Variants in FAM13A observed in about 807,000 individuals in gnomAD.
The protein encoded by FAM13A is family with sequence similarity 13 member A.
Under a neutral mutation model 129.6 loss-of-function variants are expected in FAM13A, and 76 were observed. The observed-to-expected ratio is 0.59, with a 90% CI of 0.49 to 0.71. FAM13A has a LOEUF of 0.71. Ranked by LOEUF, FAM13A falls within the 30% of genes least tolerant of loss-of-function variation. FAM13A has a pLI of 0.00. For missense variants in FAM13A, 1,108 were observed against 1,249.3 expected, an observed-to-expected ratio of 0.89 and a Z score of 1.70; for synonymous variants, 443 against 449.9, an observed-to-expected ratio of 0.98 and a Z score of 0.20.
At chr4:89,006,601 A>G (rs1029901245) in intron 3 of FAM13A, among the ~76,000 whole-genome samples, 1 of 152,200 alleles carries the variant, frequency 6.6e-6, no homozygotes, top group Non-Finnish European at 1.5e-5. Flanking sequence ...GTCTTTTAGC[A>G]GTTGCTATCC....
At chr4:89,017,501 C>T (rs907650740) in intron 3 of FAM13A, among the ~76,000 whole-genome samples, 2 of 151,900 alleles carry the variant, frequency 1.3e-5, no homozygotes, top group Non-Finnish European at 2.9e-5. Context: ...ACAGTACATA[C>T]TCATATCAAA....
At chr4:88,905,496 A>G (rs925869915) in intron 6 of FAM13A, among the ~76,000 whole-genome samples, 2 of 152,112 alleles carry the variant, frequency 1.3e-5, no homozygotes, top group African/African-American at 2.4e-5. Flanking sequence ...ACATATTATC[A>G]CATCCCAGGT....
intron 4 of FAM13A, among the ~76,000 whole-genome samples, chr4:88,949,983 G>A (rs1756669576): frequency 6.6e-6 from 1 of 152,070 alleles, no homozygotes; most frequent in South Asian, 2.1e-4. Context: ...GGATACGTTG[G>A]AAAAATTGAC....
rs1741661327 is a variant in FAM13A at position 88,747,707 on chromosome 4, A to G, written c.2306T>C (p.Val769Ala). 1.2e-6 allele frequency: 2 copies of G among 1,614,054 alleles called. No individual in the cohort carries two copies. Among genetic ancestry groups the G allele is most frequent in the Non-Finnish European group, 8.5e-7 (1 of 1,180,038 alleles). The change falls in exon 18 of 24, where the codon GTT becomes GCT. Residue 769 changes from valine to alanine, a missense_variant. Physicochemically the swap from Val to Ala is moderately conservative, Grantham distance 64. Transcript: ENST00000264344. ...ELVDKAIKPS[V>A]EATLESIQRK... ...CTGAATAGATTCCAATGTGGCTTCA[A>G]CACTGGGCTTTATTGCTTTATCCAC...
At chr4:88,861,034 A>G (rs868543820) in intron 6 of FAM13A, among the ~76,000 whole-genome samples, 12 of 152,202 alleles carry the variant, frequency 7.9e-5, no homozygotes, top group African/African-American at 2.9e-4. Flanking sequence ...TGCCAGCTGC[A>G]TGATGTGGAG....
intron 14 of FAM13A, among the ~76,000 whole-genome samples, chr4:88,752,449 C>A (rs188175154): frequency 2.3e-4 from 35 of 152,194 alleles, no homozygotes; most frequent in African/African-American, 8.2e-4. Context: ...ATGAAGTCCA[C>A]AGGTTCTCGA....
intron 8 of FAM13A, among the ~76,000 whole-genome samples, chr4:88,798,984 A>G (rs1342488965): frequency 6.6e-6 from 1 of 152,244 alleles, no homozygotes; most frequent in East Asian, 1.9e-4. Context: ...AGCATTTAAA[A>G]TGTATATAAT....
intron 13 of FAM13A, among the ~76,000 whole-genome samples, chr4:88,763,529 A>G (rs1298107207): frequency 6.6e-6 from 1 of 152,210 alleles, no homozygotes; most frequent in Non-Finnish European, 1.5e-5. Flanking sequence ...TCAAGGAGCC[A>G]TTAATTATGA....
At chr4:88,870,120 G>A (rs1294764186) in intron 6 of FAM13A, among the ~76,000 whole-genome samples, 2 of 95,410 alleles carry the variant, frequency 2.1e-5, no homozygotes, top group Non-Finnish European at 3.7e-5. Context: ...CATTTCTGTT[G>A]TAAAAAAAAA....
At chr4:88,863,568 CA>C (rs1302905741) in intron 6 of FAM13A, among the ~76,000 whole-genome samples, 1 of 152,172 alleles carries the variant, frequency 6.6e-6, no homozygotes, top group Non-Finnish European at 1.5e-5. Flanking sequence ...GTCAGAAGTA[CA>C]AGTCACAACC....
intron 8 of FAM13A, among the ~76,000 whole-genome samples, chr4:88,800,638 T>C (rs1023816950): frequency 1.1e-4 from 16 of 148,048 alleles, no homozygotes; most frequent in Non-Finnish European, 1.9e-4. Flanking sequence ...TGAGCCGAGA[T>C]TGTGCCACTA....
At chr4:88,910,799 G>A (rs186943472) in intron 5 of FAM13A, among the ~76,000 whole-genome samples, 787 of 152,034 alleles carry the variant, frequency 5.2e-3, no homozygotes, top group Non-Finnish European at 9.1e-3. Flanking sequence ...ACAGGCACGC[G>A]TCACCATGCC....
chr4:88,795,303 C>T (rs1256119739), intron 8 of FAM13A, among the ~76,000 whole-genome samples: 1 of 151,716 alleles, frequency 6.6e-6, no homozygotes, highest in Non-Finnish European at 1.5e-5. Context: ...TTTTAAATAG[C>T]CTGATTTGAA....
chr4:88,830,759 G>A (rs1733764093), intron 7 of FAM13A, among the ~76,000 whole-genome samples: 1 of 152,148 alleles, frequency 6.6e-6, no homozygotes, highest in South Asian at 2.1e-4. Context: ...AGTGAAGAGG[G>A]GAGGGAAGAG....
intron 4 of FAM13A, 26 bp downstream of exon 4, chr4:88,990,947 T>C (rs1314951917): frequency 1.3e-6 from 2 of 1,571,022 alleles, no homozygotes; most frequent in African/African-American, 1.3e-5. Context: ...CATGATGATA[T>C]TAACAGTAAA....
chr4:88,901,544 G>C (rs921436552), intron 6 of FAM13A, among the ~76,000 whole-genome samples: 3 of 152,106 alleles, frequency 2.0e-5, no homozygotes, highest in Non-Finnish European at 2.9e-5. Context: ...TGACACTTGG[G>C]TAAATAATGA....
intron 13 of FAM13A, among the ~76,000 whole-genome samples, chr4:88,766,147 G>A (rs1745674479): frequency 6.6e-6 from 1 of 152,180 alleles, no homozygotes; most frequent in Non-Finnish European, 1.5e-5. Flanking sequence ...AAGAACTGAG[G>A]AGACCTCTCC....
rs537632947 is a variant in FAM13A, at chr4:88,979,714, C to G, written c.605+11259G>C. ...ATTGGCCAGGCATGGTGGCTCACCC[C>G]TGTAATCCCAGCATTTTTGGAGGCC... On this transcript the variant is annotated intron_variant, in intron 4 of 23. Coordinates refer to ENST00000264344, the MANE Select transcript of FAM13A (RefSeq NM_014883.4). Among the ~76,000 whole-genome samples, 40 of 152,286 alleles carry G rather than the reference C, an allele frequency of 2.6e-4. No homozygotes were observed. The South Asian group carries it at 7.9e-3, about 30-fold the overall frequency.
chr4:88,762,911 C>T (rs544626897), intron 13 of FAM13A, among the ~76,000 whole-genome samples: 2 of 152,272 alleles, frequency 1.3e-5, no homozygotes, highest in Non-Finnish European at 2.9e-5. Context: ...CAATTTTCAA[C>T]TCCAAGATCC....
Sources: allele counts gnomAD v4.1 joint callset (sites outside exome capture counted in the v4.1 genomes callset), GRCh38; gene constraint gnomAD v4.1.1; transcripts MANE v1.5; gene names NCBI Gene and HGNC (gene_info 2026-07-23, HGNC 2026-07-21).